The following SPANXN4 variants were observed in gnomAD, a reference collection of about 807,000 sequenced individuals.
SPANXN4 encodes the protein sperm protein associated with the nucleus on the X chromosome N4.
SPANXN4 carries 5 observed loss-of-function variants against 6.0 expected under a neutral mutation model. The ratio of observed to expected loss-of-function variants is 0.83; its 90% CI spans 0.44 to 1.75. The LOEUF (loss-of-function observed/expected upper bound fraction) is 1.75. Among genes scored for constraint, SPANXN4 ranks in the 40% most tolerant of loss-of-function variants. The pLI, the probability that SPANXN4 is intolerant of heterozygous loss-of-function variation, is 0.02. For synonymous variants in SPANXN4, 45 were observed against 38.0 expected, an observed-to-expected ratio of 1.19 and a Z score of -0.68; for missense variants, 157 against 108.6, an observed-to-expected ratio of 1.45 and a Z score of -1.98.
chrX:143,033,985 A>C (rs1403854793), intron 1 of SPANXN4, 40 bp from the exon 2 acceptor site: 38 of 1,118,450 alleles, frequency 3.4e-5, no homozygotes, highest in Non-Finnish European at 4.5e-5. Flanking sequence ...CTCTTCATCC[A>C]AAATAACACC....
chrX:143,032,820 G>A (rs1932818684), intron 1 of SPANXN4, among the ~76,000 whole-genome samples: 1 of 111,339 alleles, frequency 9.0e-6, no homozygotes, highest in Non-Finnish European at 1.9e-5. Context: ...AGAAAAGAGT[G>A]AGTGCCCAGA....
At chrX:143,036,870 A>G (rs1019485255), downstream of SPANXN4, among the ~76,000 whole-genome samples, 4 of 111,401 alleles carry the variant, frequency 3.6e-5, no homozygotes, top group Admixed American at 3.8e-4. Flanking sequence ...TTGAACACAG[A>G]CTTTATCTCT....
At chrX:143,034,237 G>A (rs1472906379) in intron 2 of SPANXN4, 2 of 1,164,152 alleles carry the variant, frequency 1.7e-6, no homozygotes, top group Non-Finnish European at 2.3e-6. Context: ...AGGATGGTGG[G>A]CAGAATTAGT....
intron 1 of SPANXN4, 131 bp downstream of exon 1, chrX:143,026,223 C>G (rs762221611): frequency 1.5e-5 from 8 of 543,236 alleles, no homozygotes; most frequent in Middle Eastern, 5.7e-4. Context: ...TGCCAGAGCC[C>G]ACCGCTACAT....
At chrX:143,029,876 C>T (rs1298924581) in intron 1 of SPANXN4, among the ~76,000 whole-genome samples, 1 of 110,646 alleles carries the variant, frequency 9.0e-6, no homozygotes, top group African/African-American at 3.3e-5. Context: ...TCAGAGTGAC[C>T]AGCCTTGGAT....
At chrX:143,028,309 G>A (rs1448774243) in intron 1 of SPANXN4, among the ~76,000 whole-genome samples, 1 of 110,786 alleles carries the variant, frequency 9.0e-6, no homozygotes, top group Non-Finnish European at 1.9e-5. Flanking sequence ...ACAGGGAGGA[G>A]TGTTTTGAGG....
chrX:143,026,009 A>G, exon 1 of SPANXN4: 5 of 1,207,514 alleles, frequency 4.1e-6, no homozygotes, highest in South Asian at 1.8e-5. Flanking sequence ...ACAACCAACC[A>G]TAATCATGGA....
downstream of SPANXN4, among the ~76,000 whole-genome samples, chrX:143,035,662 A>T (rs752839401): frequency 5.9e-4 from 65 of 110,533 alleles, no homozygotes; most frequent in Non-Finnish European, 1.1e-3. Flanking sequence ...TGTTTATTTT[A>T]AAGAAATTTT....
intron 1 of SPANXN4, among the ~76,000 whole-genome samples, chrX:143,031,334 T>A (rs1469056814): frequency 9.0e-6 from 1 of 110,720 alleles, no homozygotes; most frequent in Non-Finnish European, 1.9e-5. Flanking sequence ...ATCCCCTGTA[T>A]CCAATAGGAA....
chrX:143,034,941 T>G (rs192719926), downstream of SPANXN4, among the ~76,000 whole-genome samples: 1 of 109,455 alleles, frequency 9.1e-6, no homozygotes, highest in African/African-American at 3.3e-5. Flanking sequence ...CTGGTATTTT[T>G]ATCACCACTT....
At chrX:143,029,121 G>A (rs970523172) in intron 1 of SPANXN4, among the ~76,000 whole-genome samples, 1 of 111,328 alleles carries the variant, frequency 9.0e-6, no homozygotes, top group African/African-American at 3.3e-5. Context: ...AGGGCTGCCT[G>A]CCAGGCTGCT....
intron 1 of SPANXN4, among the ~76,000 whole-genome samples, chrX:143,026,842 G>T (rs1205880332): frequency 9.0e-6 from 1 of 111,527 alleles, no homozygotes; most frequent in Non-Finnish European, 1.9e-5. Context: ...GAAAGATTAG[G>T]GGACCTAAGA....
chrX:143,037,821 G>A (rs925478482), downstream of SPANXN4, among the ~76,000 whole-genome samples: 21 of 111,086 alleles, frequency 1.9e-4, no homozygotes, highest in Non-Finnish European at 3.0e-4. Context: ...TCCTGCATTC[G>A]TTCTCCTTTC....
At chrX:143,032,059 G>A (rs1010166385) in intron 1 of SPANXN4, among the ~76,000 whole-genome samples, 2 of 112,073 alleles carry the variant, frequency 1.8e-5, no homozygotes, top group African/African-American at 6.5e-5. Context: ...GGTGGAGGGT[G>A]TTTGCATTGG....
intron 1 of SPANXN4, among the ~76,000 whole-genome samples, 176 bp from the exon 2 acceptor site, chrX:143,033,849 A>G: frequency 9.0e-6 from 1 of 110,948 alleles, no homozygotes; most frequent in Non-Finnish European, 1.9e-5. Flanking sequence ...AGATGACCCT[A>G]CCCATGCTCC....
chrX:143,033,756 T>A (rs1254372758), intron 1 of SPANXN4, among the ~76,000 whole-genome samples: 1 of 111,729 alleles, frequency 9.0e-6, no homozygotes, highest in Admixed American at 9.5e-5. Context: ...TCTCATGGCC[T>A]GAACCCCCAT....
chrX:143,033,087 G>A, intron 1 of SPANXN4, among the ~76,000 whole-genome samples: 1 of 111,787 alleles, frequency 8.9e-6, no homozygotes, highest in East Asian at 2.8e-4. Flanking sequence ...TGGAAAGGAG[G>A]AAAAGGGAGA....
exon 1 of SPANXN4, chrX:143,025,971 C>T (rs1425912423): frequency 9.5e-6 from 11 of 1,160,468 alleles, no homozygotes; most frequent in Non-Finnish European, 1.3e-5. Flanking sequence ...GAAATCTGCA[C>T]CCTAGAAGAT....
chrX:143,035,075 CAAAAAA>C (rs780134042), downstream of SPANXN4, among the ~76,000 whole-genome samples: 2 of 39,096 alleles, frequency 5.1e-5, no homozygotes, highest in African/African-American at 1.9e-4. Context: ...GACTCTGTCT[CAAAAAA>C]AAAAAAAAAA....
Sources: allele counts gnomAD v4.1 joint callset (sites outside exome capture counted in the v4.1 genomes callset), GRCh38; gene constraint gnomAD v4.1.1; transcripts MANE v1.5; gene names NCBI Gene and HGNC (gene_info 2026-07-23, HGNC 2026-07-21).